CHID1: variants seen among roughly 807,000 people sequenced by gnomAD.
CHID1 encodes the protein chitinase domain containing 1, also known as chitinase domain-containing protein 1.
Under a neutral mutation model 55.4 loss-of-function variants are expected in CHID1, and 44 were observed. The observed-to-expected ratio is 0.79, with a 90% CI of 0.62 to 1.02. The LOEUF is 1.02. Ranked by LOEUF, CHID1 falls within the 50% of genes least tolerant of loss-of-function variation. CHID1 has a pLI of 0.00. For missense variants in CHID1, 491 were observed against 515.3 expected, an observed-to-expected ratio of 0.95 and a Z score of 0.46; for synonymous variants, 216 against 212.9, an observed-to-expected ratio of 1.01 and a Z score of -0.13.
chr11:898,273 C>G (rs1225282282), intron 7 of CHID1, among the ~76,000 whole-genome samples: 1 of 152,210 alleles, frequency 6.6e-6, no homozygotes, highest in Non-Finnish European at 1.5e-5. Context: ...GATGAAAGTG[C>G]CATGGCTGCT....
chr11:900,163 C>T (rs1851704386), intron 5 of CHID1, 53 bp from the exon 6 acceptor site: 1 of 1,446,888 alleles, frequency 6.9e-7, no homozygotes, highest in Non-Finnish European at 9.7e-7. Context: ...TGCTGGAGGG[C>T]CCCTGCTGTT....
At chr11:873,926 C>T (rs753758800) in intron 10 of CHID1, among the ~76,000 whole-genome samples, 4 of 152,008 alleles carry the variant, frequency 2.6e-5, no homozygotes, top group African/African-American at 7.3e-5. Flanking sequence ...CACACCGAGA[C>T]GCGCCACAGA....
intron 1 of CHID1, among the ~76,000 whole-genome samples, chr11:910,037 T>C (rs1852536650): frequency 6.7e-6 from 1 of 150,340 alleles, no homozygotes; most frequent in Admixed American, 6.6e-5. Context: ...CCAGCCTGGG[T>C]GACAGCGTGA....
intron 10 of CHID1, among the ~76,000 whole-genome samples, chr11:876,176 G>A (rs965423830): frequency 4.6e-5 from 7 of 152,160 alleles, no homozygotes; most frequent in African/African-American, 1.7e-4. Flanking sequence ...GATAAGCCTC[G>A]AGAAAGGGCC....
rs1173179201 is a variant in CHID1, at chr11:900,054, T to C, written c.496A>G (p.Ser166Gly). The change falls in exon 6 of 13, where the codon AGT (serine) becomes GGT (glycine). Residue 166 changes from serine (S) to glycine (G), a missense_variant. Ser to Gly is a moderately conservative substitution (Grantham distance 56, BLOSUM62 0). Transcript: ENST00000323578. Reference protein sequence around the residue: ...TYDDFRNVLDSEDEIEELSKT... With the variant: ...TYDDFRNVLDGEDEIEELSKT... ...CTCAGCTCCTCTATCTCATCCTCAC[T>C]GTCTAAGACGTTCCGGAAATCATCG... The C allele has an allele frequency of 6.2e-7, 1 of 1,613,970 alleles. No individual in the cohort carries two copies. Among genetic ancestry groups the C allele is most frequent in the African/African-American group, 1.3e-5 (1 of 74,930 alleles).
intron 1 of CHID1, chr11:908,500 G>C (rs1324479112): frequency 5.8e-6 from 5 of 857,884 alleles, no homozygotes; most frequent in Non-Finnish European, 5.6e-6. Context: ...GGTGGGGAGG[G>C]TTCTGGCCAT....
intron 10 of CHID1, 39 bp from the exon 11 acceptor site, chr11:870,538 C>A: frequency 1.4e-6 from 2 of 1,448,220 alleles, no homozygotes; most frequent in Non-Finnish European, 1.9e-6. Flanking sequence ...GCCCACCCAG[C>A]TCCCCCACAG....
intron 1 of CHID1, chr11:908,175 C>T (rs1852373276): frequency 6.6e-6 from 1 of 152,324 alleles, no homozygotes; most frequent in Admixed American, 6.5e-5. Context: ...ACAAGACAGC[C>T]TGACCTGCAG....
intron 10 of CHID1, chr11:870,767 C>T (rs542029152): frequency 8.7e-5 from 37 of 426,140 alleles, no homozygotes; most frequent in Non-Finnish European, 1.3e-4. Flanking sequence ...TGGAGAGTGA[C>T]ACGGGGCCTG....
At chr11:890,672 C>T (rs1486403916) in intron 8 of CHID1, among the ~76,000 whole-genome samples, 1 of 152,058 alleles carries the variant, frequency 6.6e-6, no homozygotes, top group Admixed American at 6.5e-5. Context: ...ACCACATGGG[C>T]ACCTGGGGAC....
At chr11:912,277 T>G (rs1852738261), upstream of CHID1, among the ~76,000 whole-genome samples, 1 of 152,080 alleles carries the variant, frequency 6.6e-6, no homozygotes, top group Non-Finnish European at 1.5e-5. Flanking sequence ...GAGATCACAC[T>G]GCACTCCAGC....
chr11:885,448 C>T (rs1364172834), intron 8 of CHID1, among the ~76,000 whole-genome samples: 6 of 152,162 alleles, frequency 3.9e-5, no homozygotes, highest in African/African-American at 7.2e-5. Context: ...CCTGCAGGTA[C>T]GTGGAGCATC....
intron 7 of CHID1, among the ~76,000 whole-genome samples, chr11:897,368 T>C (rs983024706): frequency 2.6e-5 from 4 of 152,192 alleles, no homozygotes; most frequent in African/African-American, 9.7e-5. Context: ...GAAACGGAAA[T>C]GAGTGTGGCA....
At position 868,677 on chromosome 11, in the gene CHID1, G is replaced by A. The variant is rs1430524855; in HGVS notation, c.*1181C>T. On this transcript the variant is annotated 3_prime_UTR_variant, in exon 13 of 13. Coordinates refer to ENST00000323578, the MANE Select transcript of CHID1 (RefSeq NM_023947.4). ...CCCCCTCCCCAGCTCCCGTCCTGTG[G>A]AGGAGACCCCACCATGCTTCCTCAC... 1.3e-5 allele frequency: 2 copies of A among 152,088 alleles called. No homozygotes were observed. The highest frequency in any genetic ancestry group is 4.8e-5 in the African/African-American group (2 of 41,378). 9.4% of individuals were successfully genotyped at this position (152,088 alleles called of 1,614,324 possible).
chr11:910,637 G>A, intron 1 of CHID1, 138 bp downstream of exon 1: 1 of 1,265,258 alleles, frequency 7.9e-7, no homozygotes, highest in Non-Finnish European at 1.0e-6. Context: ...TCTCTCTCAC[G>A]CACCCGCCCG....
intron 10 of CHID1, among the ~76,000 whole-genome samples, chr11:877,308 A>T (rs746319327): frequency 1.3e-5 from 2 of 152,168 alleles, no homozygotes; most frequent in Non-Finnish European, 2.9e-5. Context: ...CTTGCTCTGG[A>T]GCCCAGACTG....
At chr11:895,567 G>GTATGC (rs770805120) in intron 7 of CHID1, among the ~76,000 whole-genome samples, 107 of 152,306 alleles carry the variant, frequency 7.0e-4, no homozygotes, top group Non-Finnish European at 1.3e-3. Context: ...CAGCCCCTCT[G>GTATGC]GGCATGCGGA....
upstream of CHID1, among the ~76,000 whole-genome samples, chr11:912,456 G>A (rs1226321713): frequency 6.6e-6 from 1 of 152,230 alleles, no homozygotes; most frequent in Admixed American, 6.5e-5. Flanking sequence ...CCAACGGCCG[G>A]GTTCCTGGGG....
At chr11:910,863 C>A (rs1438120102), upstream of CHID1, 1 of 1,078,506 alleles carries the variant, frequency 9.3e-7, no homozygotes, top group Non-Finnish European at 1.1e-6. Context: ...GCCCGCGCGC[C>A]GCCGCCGCGC....
Sources: allele counts gnomAD v4.1 joint callset (sites outside exome capture counted in the v4.1 genomes callset), GRCh38; gene constraint gnomAD v4.1.1; transcripts MANE v1.5; gene names NCBI Gene and HGNC (gene_info 2026-07-23, HGNC 2026-07-21).